SYT14: variants seen among roughly 807,000 people sequenced by gnomAD.
The protein encoded by SYT14 is synaptotagmin 14.
SYT14 carries 32 observed loss-of-function variants against 74.2 expected under a neutral mutation model. The observed-to-expected ratio is 0.43, with a 90% CI of 0.33 to 0.58. The LOEUF (loss-of-function observed/expected upper bound fraction) is 0.58. Ranked by LOEUF, SYT14 falls within the 20% of genes least tolerant of loss-of-function variation. The probability of loss-of-function intolerance (pLI) is 0.05; values close to 1 mark genes in which losing one functional copy is unlikely to be tolerated. For missense variants in SYT14, 791 were observed against 981.8 expected, an observed-to-expected ratio of 0.81 and a Z score of 2.60; for synonymous variants, 298 against 337.7, an observed-to-expected ratio of 0.88 and a Z score of 1.29.
intron 2 of SYT14, among the ~76,000 whole-genome samples, chr1:209,976,215 C>G (rs1365132656): frequency 6.6e-6 from 1 of 151,774 alleles, no homozygotes; most frequent in Non-Finnish European, 1.5e-5. Context: ...CAGTTCTGCT[C>G]TGATCTTAGT....
At chr1:210,098,517 C>G (rs2082006083) in intron 6 of SYT14, among the ~76,000 whole-genome samples, 1 of 152,086 alleles carries the variant, frequency 6.6e-6, no homozygotes, top group South Asian at 2.1e-4. Flanking sequence ...GTTTGTATAT[C>G]TGCTTGTGAG....
intron 7 of SYT14, among the ~76,000 whole-genome samples, chr1:210,111,032 C>T (rs776379409): frequency 6.6e-6 from 1 of 152,150 alleles, no homozygotes; most frequent in Non-Finnish European, 1.5e-5. Flanking sequence ...GTGTGAGCCA[C>T]CACATTAACA....
chr1:210,139,807 C>T (rs1460678130), intron 7 of SYT14, among the ~76,000 whole-genome samples: 3 of 152,102 alleles, frequency 2.0e-5, no homozygotes, highest in Admixed American at 1.3e-4. Flanking sequence ...ATCATGTATC[C>T]ATACTTCATT....
At chr1:210,158,661 A>G (rs2083315286) in intron 8 of SYT14, among the ~76,000 whole-genome samples, 1 of 152,194 alleles carries the variant, frequency 6.6e-6, no homozygotes, top group Non-Finnish European at 1.5e-5. Context: ...GTTTCAGGTT[A>G]CAGAATAGGT....
intron 7 of SYT14, among the ~76,000 whole-genome samples, chr1:210,131,486 G>A (rs1255886571): frequency 6.6e-6 from 1 of 151,664 alleles, no homozygotes; most frequent in African/African-American, 2.4e-5. Flanking sequence ...CATGCCTTAT[G>A]CCACTTTTTC....
chr1:209,979,347 C>A (rs998799884), intron 2 of SYT14, among the ~76,000 whole-genome samples: 1 of 152,192 alleles, frequency 6.6e-6, no homozygotes, highest in Non-Finnish European at 1.5e-5. Context: ...ATCTTGGCTC[C>A]ACCTGATAGA....
chr1:210,094,627 T>C (rs769683868), intron 6 of SYT14, 34 bp downstream of exon 5: 12 of 1,609,776 alleles, frequency 7.5e-6, no homozygotes, highest in Non-Finnish European at 1.0e-5. Flanking sequence ...TGAAAATGAA[T>C]GTTATTTGGA....
intron 7 of SYT14, among the ~76,000 whole-genome samples, chr1:210,131,202 T>C (rs893341716): frequency 6.6e-6 from 1 of 152,184 alleles, no homozygotes; most frequent in African/African-American, 2.4e-5. Context: ...CTGTTGTTTC[T>C]ACTACCATCA....
chr1:209,978,351 C>G (rs1447581217), intron 2 of SYT14, among the ~76,000 whole-genome samples: 1 of 152,152 alleles, frequency 6.6e-6, no homozygotes, highest in Non-Finnish European at 1.5e-5. Context: ...TACCTTTGGT[C>G]TTTGATGATG....
chr1:210,031,696 T>C (rs2080539575), intron 5 of SYT14, among the ~76,000 whole-genome samples: 1 of 152,160 alleles, frequency 6.6e-6, no homozygotes, highest in Admixed American at 6.6e-5. Flanking sequence ...GGCATAGAGT[T>C]GTTTATAATA....
intron 2 of SYT14, among the ~76,000 whole-genome samples, chr1:209,978,306 C>T (rs972548411): frequency 6.6e-6 from 1 of 152,146 alleles, no homozygotes; most frequent in Non-Finnish European, 1.5e-5. Context: ...TCCAGTTTTT[C>T]TGCTCTGTTT....
At chr1:209,962,262 T>C (rs2079087253) in intron 2 of SYT14, among the ~76,000 whole-genome samples, 2 of 151,740 alleles carry the variant, frequency 1.3e-5, no homozygotes, top group South Asian at 2.1e-4. Context: ...AGCGTAGATA[T>C]CTTTTTTTTA....
At position 210,042,629 on chromosome 1, in the gene SYT14, T is replaced by C. The variant is rs190845416; in HGVS notation, c.1312+21375T>C. Among the ~76,000 whole-genome samples, 584 of 152,354 alleles carry C rather than the reference T, an allele frequency of 3.8e-3. 1 individual carries two copies. The highest frequency in any genetic ancestry group is 6.9e-3 in the Non-Finnish European group (469 of 68,026). Reference sequence around the variant, plus strand: ...TATTAAATAGGGAATCCTTTCCCCATTGCTTGTTTTTGTCAGGTTTGTCAA... The same window carrying C: ...TATTAAATAGGGAATCCTTTCCCCACTGCTTGTTTTTGTCAGGTTTGTCAA... On this transcript the variant is annotated intron_variant, in intron 5 of 9. Transcript: ENST00000637265.
intron 5 of SYT14, among the ~76,000 whole-genome samples, chr1:210,034,138 A>G (rs929511707): frequency 6.6e-6 from 1 of 151,798 alleles, no homozygotes; most frequent in African/African-American, 2.4e-5. Context: ...GTTAAGAGAC[A>G]AGTTCTGTTA....
At chr1:210,008,423 G>C (rs1390365772) in intron 2 of SYT14, among the ~76,000 whole-genome samples, 1 of 152,068 alleles carries the variant, frequency 6.6e-6, no homozygotes, top group African/African-American at 2.4e-5. Flanking sequence ...GAATGCAGTG[G>C]CGCGATCTCA....
chr1:209,985,169 A>G (rs2079549516), intron 2 of SYT14, among the ~76,000 whole-genome samples: 1 of 152,206 alleles, frequency 6.6e-6, no homozygotes, highest in African/African-American at 2.4e-5. Context: ...CCAAAGTCTC[A>G]TCTGATACAA....
chr1:209,988,656 T>C (rs1341248191), intron 2 of SYT14, among the ~76,000 whole-genome samples: 1 of 152,228 alleles, frequency 6.6e-6, no homozygotes, highest in African/African-American at 2.4e-5. Flanking sequence ...AGATTAATTT[T>C]CTGAAGCAAA....
At chr1:210,082,835 G>C (rs1184084588) in intron 5 of SYT14, among the ~76,000 whole-genome samples, 3 of 152,132 alleles carry the variant, frequency 2.0e-5, no homozygotes. Context: ...ATGTGAGTAT[G>C]GTCTTGCTTT....
At chr1:210,021,181 G>C (rs1262453173) in exon 5 of SYT14, 2 of 1,613,812 alleles carry the variant, frequency 1.2e-6, no homozygotes, top group Non-Finnish European at 1.7e-6. Flanking sequence ...ACTATGCTTG[G>C]GAAACAAGGC....
Sources: gnomAD v4.1 joint callset for allele counts (sites outside exome capture counted in the v4.1 genomes callset) on GRCh38, gnomAD v4.1.1 for gene constraint, MANE v1.5 for transcripts, NCBI Gene and HGNC (gene_info 2026-07-23, HGNC 2026-07-21) for gene names.